The following PARG variants were observed in gnomAD, a reference collection of about 807,000 sequenced individuals.
The protein encoded by PARG is mitochondrial poly(ADP-ribose) glycohydrolase.
A neutral mutation model predicts 113.0 loss-of-function variants in PARG; 35 were observed. The ratio of observed to expected loss-of-function variants is 0.31; its 90% CI spans 0.24 to 0.41. PARG has a LOEUF of 0.41. Among genes scored for constraint, PARG ranks in the 10% least tolerant of loss-of-function variants. The pLI is 1.00. For synonymous variants in PARG, 330 were observed against 409.9 expected, an observed-to-expected ratio of 0.81 and a Z score of 2.36; for missense variants, 797 against 1,169.4, an observed-to-expected ratio of 0.68 and a Z score of 4.64.
At chr10:49,844,612 G>T (rs1845411879) in intron 13 of PARG, among the ~76,000 whole-genome samples, 1 of 135,538 alleles carries the variant, frequency 7.4e-6, no homozygotes, top group African/African-American at 2.8e-5. Context: ...CACAGAGCAA[G>T]ACTCCATCTC....
At chr10:49,931,893 ATAATGATTGC>A (rs1401522126) in intron 4 of PARG, among the ~76,000 whole-genome samples, 197 bp downstream of exon 4, 4 of 152,268 alleles carry the variant, frequency 2.6e-5, no homozygotes, top group Admixed American at 6.5e-5. Context: ...CCATCAGCTG[ATAATGATTGC>A]TAATGATTGC....
At position 49,941,738 on chromosome 10, in the gene PARG, A is replaced by T. The variant is rs1363743840; in HGVS notation, c.-13T>A. The T allele has an allele frequency of 4.0e-5, 62 of 1,562,010 alleles. 1 individual carries two copies. The Middle Eastern group carries it at 3.5e-3, about 88-fold the overall frequency. On this transcript the variant is annotated 5_prime_UTR_variant, in exon 1 of 18. Coordinates refer to ENST00000616448, the MANE Select transcript of PARG (RefSeq NM_003631.5). The stretch of plus-strand genomic sequence containing the variant: ...GGCCCGCATTCATGCTGGGACCAGC[A>T]GCGCACTGTCCCCGGGCCGGCCCGG...
chr10:49,898,320 T>C (rs1588960494), intron 7 of PARG, among the ~76,000 whole-genome samples: 1 of 152,142 alleles, frequency 6.6e-6, no homozygotes, highest in Middle Eastern at 3.4e-3. Flanking sequence ...GGAGCCTCCT[T>C]CTTCTTTGAT....
intron 7 of PARG, among the ~76,000 whole-genome samples, chr10:49,893,163 CT>C (rs11321986): frequency 0.43 from 65,694 of 151,582 alleles, 16,673 homozygotes; most frequent in East Asian, 0.6. Context: ...CAGCCAGACC[CT>C]TTTCCAACAT....
At chr10:49,843,470 G>A in intron 14 of PARG, 84 bp downstream of exon 14, 2 of 800,796 alleles carry the variant, frequency 2.5e-6, no homozygotes, top group East Asian at 2.7e-5. Context: ...TGAAATACAA[G>A]TAGACAGAAT....
chr10:49,879,709 G>A lies in PARG; in HGVS notation c.1952C>T (p.Ser651Leu), dbSNP rs1554839049. Residue 651 changes from serine to leucine, a missense_variant, in exon 9 of 18, where the codon TCG becomes TTG. Transcript: ENST00000616448. ...TFPRRNAKMK[S>L]EYSSYPDINF... ...AATGTCTGGGTAACTAGAATACTCC[G>A]ATTTCATCTTAGCATTTCGTCGTGG... The A allele has an allele frequency of 1.5e-5, 23 of 1,567,592 alleles. No homozygotes were observed. Among genetic ancestry groups the A allele is most frequent in the Middle Eastern group, 2.3e-4 (1 of 4,384 alleles).
At chr10:49,931,709 A>G (rs1234321085) in intron 4 of PARG, among the ~76,000 whole-genome samples, 12 of 151,562 alleles carry the variant, frequency 7.9e-5, no homozygotes, top group Non-Finnish European at 1.5e-4. Flanking sequence ...AAAAAAAAAA[A>G]AAAAAGGCAC....
intron 9 of PARG, among the ~76,000 whole-genome samples, chr10:49,877,974 A>G (rs528675451): frequency 6.6e-6 from 1 of 152,166 alleles, no homozygotes; most frequent in Admixed American, 6.5e-5. Flanking sequence ...TAATCACAAA[A>G]GGAAATATGG....
At chr10:49,931,175 A>G (rs1838458505) in intron 4 of PARG, among the ~76,000 whole-genome samples, 5 of 151,906 alleles carry the variant, frequency 3.3e-5, no homozygotes, top group Non-Finnish European at 7.4e-5. Context: ...AGCCCTCGTT[A>G]TAGTCTTTTG....
chr10:49,913,862 C>T (rs1190252356), intron 7 of PARG, among the ~76,000 whole-genome samples: 4 of 152,028 alleles, frequency 2.6e-5, no homozygotes, highest in Admixed American at 1.3e-4. Flanking sequence ...GAGATTGTGC[C>T]GCTGCACTCC....
At chr10:49,887,348 T>C (rs1272743371) in intron 7 of PARG, among the ~76,000 whole-genome samples, 4 of 152,194 alleles carry the variant, frequency 2.6e-5, no homozygotes, top group Non-Finnish European at 5.9e-5. Flanking sequence ...ACAATGTGTA[T>C]CATTCTATGC....
intron 12 of PARG, among the ~76,000 whole-genome samples, chr10:49,858,331 T>TCA (rs3048417): frequency 0.044 from 6,409 of 144,878 alleles, 142 homozygotes; most frequent in East Asian, 0.05. Flanking sequence ...AGGAGTTAGA[T>TCA]CACACACACA....
chr10:49,849,603 A>G (rs1227214086), intron 13 of PARG, among the ~76,000 whole-genome samples: 1 of 152,270 alleles, frequency 6.6e-6, no homozygotes, highest in Non-Finnish European at 1.5e-5. Flanking sequence ...CCAAACTTAC[A>G]TAATTGTATA....
chr10:49,831,867 A>C (rs1435986405), intron 16 of PARG, among the ~76,000 whole-genome samples: 1 of 152,148 alleles, frequency 6.6e-6, no homozygotes, highest in Non-Finnish European at 1.5e-5. Context: ...AACCTCCTAC[A>C]ATAGTAACCA....
chr10:49,846,475 G>C (rs1554833359), intron 13 of PARG, among the ~76,000 whole-genome samples: 2 of 151,476 alleles, frequency 1.3e-5, no homozygotes, highest in Non-Finnish European at 2.9e-5. Context: ...ACTTCAATGT[G>C]TGTAAATTTT....
At chr10:49,904,284 A>G (rs1554844267) in intron 7 of PARG, among the ~76,000 whole-genome samples, 2 of 151,968 alleles carry the variant, frequency 1.3e-5, no homozygotes, top group Non-Finnish European at 2.9e-5. Flanking sequence ...AATAAATCCA[A>G]TAGTCAATTA....
At chr10:49,850,102 A>G (rs1554833948) in intron 13 of PARG, among the ~76,000 whole-genome samples, 6 of 141,386 alleles carry the variant, frequency 4.2e-5, no homozygotes, top group African/African-American at 1.6e-4. Flanking sequence ...AACTTGCCGA[A>G]TAAACATAAT....
At chr10:49,878,762 C>T (rs1383566938) in intron 9 of PARG, among the ~76,000 whole-genome samples, 1 of 152,024 alleles carries the variant, frequency 6.6e-6, no homozygotes, top group Non-Finnish European at 1.5e-5. Context: ...CCCTCAGAGG[C>T]AGGCTCTGGG....
chr10:49,913,000 C>T (rs1238338189), intron 7 of PARG, among the ~76,000 whole-genome samples: 1 of 152,200 alleles, frequency 6.6e-6, no homozygotes, highest in Non-Finnish European at 1.5e-5. Context: ...TAGTACAGAA[C>T]ATAAGACACT....
Sources: allele counts gnomAD v4.1 joint callset (sites outside exome capture counted in the v4.1 genomes callset), GRCh38; gene constraint gnomAD v4.1.1; transcripts MANE v1.5; gene names NCBI Gene and HGNC (gene_info 2026-07-23, HGNC 2026-07-21).